The following FAM216A variants were observed in gnomAD, a reference collection of about 807,000 sequenced individuals.
FAM216A encodes family with sequence similarity 216 member A, also known as protein FAM216A.
FAM216A carries 26 observed loss-of-function variants against 37.6 expected under a neutral mutation model. That is an observed-to-expected ratio of 0.69 (90% CI 0.51 to 0.96). The LOEUF (loss-of-function observed/expected upper bound fraction) is 0.96, where lower values mean the gene tolerates loss of function less well. Among genes scored for constraint, FAM216A ranks in the 40% least tolerant of loss-of-function variants. The pLI, the probability that FAM216A is intolerant of heterozygous loss-of-function variation, is 0.00. For missense variants in FAM216A, 326 were observed against 339.3 expected (o/e 0.96, Z 0.31); for synonymous variants, 110 against 121.7 (o/e 0.90, Z 0.64).
intron 5 of FAM216A, chr12:110,486,989 C>G (rs2062781100): frequency 2.8e-6 from 1 of 359,714 alleles, no homozygotes; most frequent in Non-Finnish European, 5.1e-6. Flanking sequence ...CCTCCGCCTC[C>G]CAAAGCACTG....
At chr12:110,472,712 C>T (rs969517860) in intron 1 of FAM216A, among the ~76,000 whole-genome samples, 1 of 151,834 alleles carries the variant, frequency 6.6e-6, no homozygotes, top group African/African-American at 2.4e-5. Flanking sequence ...TGGTTGGGTG[C>T]AGTGGCTCAC....
chr12:110,487,341 G>C (rs547475746), intron 5 of FAM216A: 2 of 152,914 alleles, frequency 1.3e-5, no homozygotes, highest in Non-Finnish European at 2.9e-5. Context: ...CTCCATGTTG[G>C]TCAGGCTGGT....
At position 110,472,025 on chromosome 12, in the gene FAM216A, A is replaced by G. The variant is rs543314411; in HGVS notation, c.144-1053A>G. On this transcript the variant is annotated intron_variant, in intron 1 of 6. Coordinates refer to ENST00000377673, the MANE Select transcript of FAM216A (RefSeq NM_013300.3). ...GGCGGGCGAATCAGTTGAGGTCAGG[A>G]GTTTGAGACCGGCCTGGCCAACATG... Among the ~76,000 whole-genome samples the G allele has an allele frequency of 2.6e-5, 4 of 152,036 alleles. No individual in the cohort carries two copies. The South Asian group carries it at 8.3e-4, about 32-fold the overall frequency.
chr12:110,485,380 T>C (rs142652628), intron 3 of FAM216A, among the ~76,000 whole-genome samples, 181 bp downstream of exon 3: 108 of 152,280 alleles, frequency 7.1e-4, no homozygotes, highest in Middle Eastern at 3.4e-3. Flanking sequence ...AGATTATACA[T>C]TCTTTATCAT....
chr12:110,487,514 A>G, intron 5 of FAM216A: 2 of 203,780 alleles, frequency 9.8e-6, no homozygotes, highest in South Asian at 1.8e-4. Flanking sequence ...GTGGAATTAT[A>G]AAAATTTCTT....
At chr12:110,470,439 C>T (rs181840898) in intron 1 of FAM216A, among the ~76,000 whole-genome samples, 50 of 151,140 alleles carry the variant, frequency 3.3e-4, no homozygotes, top group African/African-American at 1.1e-3. Flanking sequence ...AGTCCTTGGC[C>T]GACTGCAGGA....
rs552480868 is a variant in FAM216A at position 110,490,274 on chromosome 12, G to A, written c.*137G>A. ...GGTTTGTTCAGAAACTTAAAACAAT[G>A]TAATTGGTCTGATGTAGTTCCATGT... On this transcript the variant is annotated 3_prime_UTR_variant, in exon 7 of 7. Transcript: ENST00000377673. 10 of 698,430 alleles carry A rather than the reference G, an allele frequency of 1.4e-5. No homozygotes were observed. The African/African-American group carries it at 1.8e-4, about 12-fold the overall frequency. 43.3% of individuals were successfully genotyped at this position (698,430 alleles called of 1,614,324 possible). A position where few individuals can be genotyped will look rare whatever the true frequency, so the allele number is the denominator to read the frequency against.
At chr12:110,474,207 C>T (rs973602749) in intron 2 of FAM216A, among the ~76,000 whole-genome samples, 5 of 151,600 alleles carry the variant, frequency 3.3e-5, no homozygotes, top group Non-Finnish European at 7.4e-5. Flanking sequence ...AATTATAGTT[C>T]AGTGTAAAAA....
At chr12:110,485,973 G>A (rs1420791315) in intron 3 of FAM216A, among the ~76,000 whole-genome samples, 2 of 152,152 alleles carry the variant, frequency 1.3e-5, no homozygotes, top group African/African-American at 2.4e-5. Context: ...TTGATTTTAG[G>A]TACCATGTTA....
At chr12:110,487,985 ATGCTT>A in intron 6 of FAM216A, 42 bp downstream of exon 6, 4 of 1,106,618 alleles carry the variant, frequency 3.6e-6, no homozygotes, top group Non-Finnish European at 5.5e-6. Context: ...TTAAGATCTT[ATGCTT>A]AAAAATACTA....
intron 6 of FAM216A, among the ~76,000 whole-genome samples, chr12:110,488,947 A>G (rs943230701): frequency 6.6e-6 from 1 of 152,216 alleles, no homozygotes; most frequent in South Asian, 2.1e-4. Context: ...GGACTTCTGT[A>G]TACCATTTTG....
chr12:110,484,675 A>T (rs2062766725), intron 2 of FAM216A, among the ~76,000 whole-genome samples: 1 of 151,924 alleles, frequency 6.6e-6, no homozygotes, highest in South Asian at 2.1e-4. Flanking sequence ...GGCATACCAT[A>T]CAGTCTCTTC....
intron 2 of FAM216A, among the ~76,000 whole-genome samples, chr12:110,483,309 C>A (rs141263871): frequency 3.7e-5 from 5 of 135,770 alleles, no homozygotes; most frequent in Non-Finnish European, 7.6e-5. Flanking sequence ...CCAGCCTGGG[C>A]GACAGAGCGA....
chr12:110,479,577 G>A (rs1364445266), intron 2 of FAM216A, among the ~76,000 whole-genome samples: 2 of 151,258 alleles, frequency 1.3e-5, no homozygotes, highest in Non-Finnish European at 1.5e-5. Context: ...AGTGGCTCAC[G>A]CCTGTAATTC....
chr12:110,484,284 G>A lies in FAM216A; in HGVS notation c.185-794G>A, dbSNP rs908709647. 4.0e-5 allele frequency among the ~76,000 whole-genome samples: 6 copies of A among 151,398 alleles called. No homozygotes were observed. The East Asian group carries it at 9.7e-4, about 25-fold the overall frequency. On this transcript the variant is annotated intron_variant, in intron 2 of 6. Transcript: ENST00000377673. ...CTACTAAAAATACAAAAAATTAGCC[G>A]GGCATGGTGGCAGGTGCCTGTAGTC...
intron 5 of FAM216A, 147 bp downstream of exon 5, chr12:110,486,864 T>C: frequency 1.4e-6 from 1 of 701,822 alleles, no homozygotes. Context: ...CAAGCAATGC[T>C]CCTGCCTCAG....
rs907259935 is a variant in FAM216A at position 110,469,033 on chromosome 12, C to T, written c.143+15C>T. ...GGCGGCGGCGGGTGAGGTTGGGGGC[C>T]CCGGGGTAAGGGTGGCAGCATGGGG... On this transcript the variant is annotated intron_variant, in intron 1 of 6. Transcript: ENST00000377673. 2.7e-5 allele frequency: 39 copies of T among 1,452,784 alleles called. No individual in the cohort carries two copies. In the Admixed American group the frequency reaches 2.9e-4, roughly 11 times the overall value. The allele number at this position is 1,452,784 out of a possible 1,614,324, so 90.0% of individuals were successfully genotyped here.
intron 2 of FAM216A, among the ~76,000 whole-genome samples, chr12:110,479,799 C>T (rs1480989162): frequency 6.6e-6 from 1 of 151,318 alleles, no homozygotes. Context: ...GATCGCGCCA[C>T]TGCACTCCAG....
intron 2 of FAM216A, among the ~76,000 whole-genome samples, chr12:110,480,731 C>T (rs139721963): frequency 1.2e-4 from 19 of 152,182 alleles, no homozygotes; most frequent in Admixed American, 2.0e-4. Context: ...ACTAAAACTC[C>T]GTACCTATAA....
Sources: gnomAD v4.1 joint callset for allele counts (sites outside exome capture counted in the v4.1 genomes callset) on GRCh38, gnomAD v4.1.1 for gene constraint, MANE v1.5 for transcripts, NCBI Gene and HGNC (gene_info 2026-07-23, HGNC 2026-07-21) for gene names.